AP1S3: variants seen among roughly 807,000 people sequenced by gnomAD.
AP1S3 encodes adaptor related protein complex 1 subunit sigma 3, also known as AP-1 complex subunit sigma-3.
Under a neutral mutation model 20.9 loss-of-function variants are expected in AP1S3, and 10 were observed. The observed-to-expected ratio is 0.48, with a 90% CI of 0.29 to 0.81. The LOEUF (loss-of-function observed/expected upper bound fraction) is 0.81, where lower values mean the gene tolerates loss of function less well. Ranked by LOEUF, AP1S3 falls within the 30% of genes least tolerant of loss-of-function variation. The pLI is 0.08. For synonymous variants in AP1S3, 41 were observed against 61.5 expected (o/e 0.67, Z 1.56); for missense variants, 154 against 183.8 (o/e 0.84, Z 0.94).
intron 1 of AP1S3, among the ~76,000 whole-genome samples, chr2:223,782,466 G>A (rs536554448): frequency 6.6e-6 from 1 of 152,084 alleles, no homozygotes; most frequent in Non-Finnish European, 1.5e-5. Flanking sequence ...TTAATCGAGG[G>A]CACCTAGATC....
chr2:223,782,439 T>C (rs944693641), intron 1 of AP1S3, among the ~76,000 whole-genome samples: 1 of 152,238 alleles, frequency 6.6e-6, no homozygotes, highest in Non-Finnish European at 1.5e-5. Flanking sequence ...GAATTCTCCA[T>C]AGGCTAAACG....
At chr2:223,832,951 ATT>A (rs57326534) in intron 1 of AP1S3, among the ~76,000 whole-genome samples, 2 of 150,478 alleles carry the variant, frequency 1.3e-5, no homozygotes, top group East Asian at 1.9e-4. Flanking sequence ...AAAATCCTTG[ATT>A]TTTTTTTAGC....
At chr2:223,769,805 G>A (rs1220390577) in intron 3 of AP1S3, among the ~76,000 whole-genome samples, 4 of 140,798 alleles carry the variant, frequency 2.8e-5, no homozygotes, top group East Asian at 2.2e-4. Context: ...GTGCAGTGGC[G>A]CGATCTCGGC....
chr2:223,804,292 C>T (rs1001761030), intron 1 of AP1S3, among the ~76,000 whole-genome samples: 20 of 152,246 alleles, frequency 1.3e-4, no homozygotes, highest in African/African-American at 4.1e-4. Flanking sequence ...GGGGATGTAC[C>T]CACTAATTAA....
chr2:223,770,868 C>T (rs1341252643), intron 3 of AP1S3, among the ~76,000 whole-genome samples: 1 of 151,630 alleles, frequency 6.6e-6, no homozygotes, highest in Non-Finnish European at 1.5e-5. Flanking sequence ...GCTGCGATTA[C>T]AGGCATATGC....
At chr2:223,780,722 T>A (rs1167736336) in intron 1 of AP1S3, among the ~76,000 whole-genome samples, 1 of 151,710 alleles carries the variant, frequency 6.6e-6, no homozygotes, top group East Asian at 1.9e-4. Flanking sequence ...TGAACCACCA[T>A]GCCCAGCTTG....
At chr2:223,834,290 T>C (rs1346822805) in intron 1 of AP1S3, among the ~76,000 whole-genome samples, 4 of 152,188 alleles carry the variant, frequency 2.6e-5, no homozygotes, top group Non-Finnish European at 5.9e-5. Context: ...GCTTCATTTC[T>C]ACAAAAAGTA....
At chr2:223,820,481 A>G (rs1298676449) in intron 1 of AP1S3, among the ~76,000 whole-genome samples, 1 of 152,058 alleles carries the variant, frequency 6.6e-6, no homozygotes, top group African/African-American at 2.4e-5. Context: ...ATGAACATAA[A>G]ACTTTAAACT....
intron 1 of AP1S3, among the ~76,000 whole-genome samples, chr2:223,835,877 G>T (rs1251268780): frequency 6.6e-6 from 1 of 152,134 alleles, no homozygotes; most frequent in East Asian, 1.9e-4. Flanking sequence ...GAAACGCAGG[G>T]CCTTATTCCA....
Position 223,763,851 on chromosome 2 carries a change from T to C in AP1S3, c.429+1362A>G, listed in dbSNP as rs574570928. On this transcript the variant is annotated intron_variant, in intron 4 of 4. Transcript: ENST00000396654. ...GTTGCTGGGAATTCACACCTAATGG[T>C]GTTTTGTTAATTTAATCACCCTCTT... Among the ~76,000 whole-genome samples the C allele has an allele frequency of 2.0e-5, 3 of 152,300 alleles. No individual in the cohort carries two copies. In the East Asian group the frequency reaches 5.8e-4, roughly 29 times the overall value.
chr2:223,790,047 A>T (rs1691178195), intron 1 of AP1S3, among the ~76,000 whole-genome samples: 1 of 152,156 alleles, frequency 6.6e-6, no homozygotes, highest in Non-Finnish European at 1.5e-5. Flanking sequence ...GAAACTTCAG[A>T]ACAACCAGGA....
At chr2:223,769,736 ATTTTT>A (rs61207667) in intron 3 of AP1S3, among the ~76,000 whole-genome samples, 4 of 80,122 alleles carry the variant, frequency 5.0e-5, no homozygotes, top group African/African-American at 2.1e-4. Flanking sequence ...ATGCAATCCC[ATTTTT>A]TTTTTTTTTT....
chr2:223,780,308 T>TAGAGAGAG (rs527550327), intron 1 of AP1S3, among the ~76,000 whole-genome samples: 2 of 62,048 alleles, frequency 3.2e-5, no homozygotes, highest in African/African-American at 7.5e-5. Context: ...TATATATATA[T>TAGAGAGAG]AGAGAGAGAG....
chr2:223,770,685 G>A (rs1690602653), intron 3 of AP1S3, among the ~76,000 whole-genome samples: 1 of 148,826 alleles, frequency 6.7e-6, no homozygotes, highest in Admixed American at 6.7e-5. Flanking sequence ...ACTGCCATCT[G>A]AGAATGAGAG....
At chr2:223,796,669 T>G (rs1317217883) in intron 1 of AP1S3, among the ~76,000 whole-genome samples, 1 of 151,974 alleles carries the variant, frequency 6.6e-6, no homozygotes, top group African/African-American at 2.4e-5. Context: ...CTAGCATCCT[T>G]TTTCTTTTCT....
At chr2:223,823,253 G>C (rs1692034778) in intron 1 of AP1S3, among the ~76,000 whole-genome samples, 2 of 152,222 alleles carry the variant, frequency 1.3e-5, no homozygotes, top group South Asian at 4.2e-4. Flanking sequence ...ATACCCAAGG[G>C]ATATGAAATC....
At chr2:223,774,831 T>C (rs67525880) in intron 3 of AP1S3, among the ~76,000 whole-genome samples, 22,292 of 152,068 alleles carry the variant, frequency 0.15, 3,482 homozygotes, top group African/African-American at 0.39. Context: ...GGATTTTCAG[T>C]AGATGAGTTT....
Position 223,814,772 on chromosome 2 carries a change from GTTTA to G in AP1S3, c.3+22672_3+22675del, listed in dbSNP as rs1164889053. On this transcript the variant is annotated intron_variant, in intron 1 of 4. Coordinates refer to ENST00000396654, the MANE Select transcript of AP1S3 (RefSeq NM_001039569.2). ...CTGACAATAAGAACTAAGACTCAAT[GTTTA>G]TTTATTTTTCTTTAATTTGAAACAG... Among the ~76,000 whole-genome samples, 5 of 152,114 alleles carry G rather than the reference GTTTA, an allele frequency of 3.3e-5. No homozygotes were observed. In the South Asian group the frequency reaches 8.3e-4, roughly 25 times the overall value.
intron 1 of AP1S3, among the ~76,000 whole-genome samples, chr2:223,782,277 T>C (rs1291419127): frequency 6.6e-6 from 1 of 152,186 alleles, no homozygotes; most frequent in Non-Finnish European, 1.5e-5. Context: ...CCTCCCAAAG[T>C]GCTGGGATTA....
Sources: allele counts gnomAD v4.1 joint callset (sites outside exome capture counted in the v4.1 genomes callset), GRCh38; gene constraint gnomAD v4.1.1; transcripts MANE v1.5; gene names NCBI Gene and HGNC (gene_info 2026-07-23, HGNC 2026-07-21).